Variants in PLEKHG1 observed in about 807,000 individuals in gnomAD.
The protein encoded by PLEKHG1 is pleckstrin homology and RhoGEF domain containing G1, also known as pleckstrin homology domain-containing family G member 1.
In PLEKHG1, 44 loss-of-function variants were observed where a neutral mutation model predicts 100.8. The ratio of observed to expected loss-of-function variants is 0.44; its 90% CI spans 0.34 to 0.56. PLEKHG1 has a LOEUF of 0.56. Among genes scored for constraint, PLEKHG1 ranks in the 20% least tolerant of loss-of-function variants. PLEKHG1 has a pLI of 0.01. For missense variants in PLEKHG1, 1,545 were observed against 1,720.9 expected (o/e 0.90, Z 1.81); for synonymous variants, 640 against 662.5 (o/e 0.97, Z 0.52).
At chr6:150,718,005 G>C (rs1781507429), upstream of PLEKHG1, among the ~76,000 whole-genome samples, 1 of 152,190 alleles carries the variant, frequency 6.6e-6, no homozygotes, top group Non-Finnish European at 1.5e-5. Flanking sequence ...TTGAACCTGG[G>C]AGGCAGAGGT....
intron 3 of PLEKHG1, among the ~76,000 whole-genome samples, chr6:150,671,419 T>C (rs913898431): frequency 3.9e-5 from 6 of 152,224 alleles, no homozygotes; most frequent in Admixed American, 1.3e-4. Flanking sequence ...TCCTCCGTCC[T>C]AGAGTATTCC....
At chr6:150,620,409 A>G (rs1213211999) in intron 1 of PLEKHG1, among the ~76,000 whole-genome samples, 1 of 152,160 alleles carries the variant, frequency 6.6e-6, no homozygotes, top group Non-Finnish European at 1.5e-5. Context: ...GGTCTTGATC[A>G]GGGAAGAGAT....
intron 3 of PLEKHG1, among the ~76,000 whole-genome samples, chr6:150,657,882 G>T (rs1364273908): frequency 6.6e-6 from 1 of 152,216 alleles, no homozygotes; most frequent in Non-Finnish European, 1.5e-5. Flanking sequence ...GCGCCCAGTA[G>T]TGCCAGATCT....
At chr6:150,654,779 T>C (rs1396680905) in intron 3 of PLEKHG1, among the ~76,000 whole-genome samples, 2 of 152,244 alleles carry the variant, frequency 1.3e-5, no homozygotes, top group African/African-American at 4.8e-5. Context: ...GAAGAATGAT[T>C]GGTGGCTATA....
At chr6:150,841,369 C>T (rs976769567) in exon 16 of PLEKHG1, 8 of 201,838 alleles carry the variant, frequency 4.0e-5, no homozygotes, top group Admixed American at 1.1e-4. Context: ...TGTGGTAACA[C>T]CTTAGGATAA....
At chr6:150,676,126 C>A (rs763990712) in intron 3 of PLEKHG1, among the ~76,000 whole-genome samples, 2 of 152,120 alleles carry the variant, frequency 1.3e-5, no homozygotes, top group Non-Finnish European at 2.9e-5. Flanking sequence ...GGCAAAGATG[C>A]ACATATTTAT....
At chr6:150,680,222 A>T (rs1779886929) in intron 3 of PLEKHG1, among the ~76,000 whole-genome samples, 1 of 152,218 alleles carries the variant, frequency 6.6e-6, no homozygotes, top group African/African-American at 2.4e-5. Flanking sequence ...ACCAGGGTAG[A>T]GATGGAGAAA....
At chr6:150,734,449 A>T (rs561714978) in intron 2 of PLEKHG1, among the ~76,000 whole-genome samples, 1 of 152,318 alleles carries the variant, frequency 6.6e-6, no homozygotes, top group East Asian at 1.9e-4. Context: ...CAGGTGTATG[A>T]CTAAACCCCT....
exon 15 of PLEKHG1, chr6:150,832,109 G>C (rs772931290): frequency 1.2e-6 from 2 of 1,613,976 alleles, no homozygotes; most frequent in Non-Finnish European, 1.7e-6. Flanking sequence ...GAAAAGTCTG[G>C]AGCTGGAGCA....
At chr6:150,836,852 G>T (rs1480943371) in intron 15 of PLEKHG1, among the ~76,000 whole-genome samples, 1 of 151,132 alleles carries the variant, frequency 6.6e-6, no homozygotes, top group East Asian at 1.9e-4. Flanking sequence ...GAAAAGCTCA[G>T]GGACTAATAA....
chr6:150,736,729 G>A (rs13210198), intron 2 of PLEKHG1, among the ~76,000 whole-genome samples: 14,728 of 151,850 alleles, frequency 0.097, 771 homozygotes, highest in Middle Eastern at 0.19. Context: ...AGATTGCACC[G>A]CTGCACTCCA....
intron 14 of PLEKHG1, among the ~76,000 whole-genome samples, chr6:150,824,873 C>T (rs914335291): frequency 2.0e-5 from 3 of 152,040 alleles, no homozygotes; most frequent in Admixed American, 6.6e-5. Flanking sequence ...CTGAGGTGTG[C>T]GCATTTTTTT....
At chr6:150,690,460 CG>C (rs1397643785) in intron 3 of PLEKHG1, among the ~76,000 whole-genome samples, 3 of 152,110 alleles carry the variant, frequency 2.0e-5, no homozygotes, top group African/African-American at 7.2e-5. Flanking sequence ...AGTGAGGAAA[CG>C]GAACATAGAG....
chr6:150,841,237 T>C, exon 16 of PLEKHG1: 1 of 351,122 alleles, frequency 2.8e-6, no homozygotes, highest in South Asian at 2.8e-5. Flanking sequence ...TTTCCTGTTA[T>C]CCAGAAGGCC....
In PLEKHG1 at chr6:150,679,681, T is replaced by C. The variant is rs187446700; in HGVS notation, c.-99+28895T>C. 2.0e-5 allele frequency among the ~76,000 whole-genome samples: 3 copies of C among 152,350 alleles called. No homozygotes were observed. The East Asian group carries it at 5.8e-4, about 29-fold the overall frequency. On this transcript the variant is annotated intron_variant, in intron 3 of 3. Coordinates refer to the PLEKHG1 transcript ENST00000367326. ...AGTATGTACTCTGTGCCAGGTGCTG[T>C]TTCAGGCTGTGGGAATTTGATGCAG...
rs151293197 is a variant in PLEKHG1 at position 150,673,293 on chromosome 6, C to G, written c.-99+22507C>G. On this transcript the variant is annotated intron_variant, in intron 3 of 3. Transcript: ENST00000367326. ...TTTCTGTCTTCAAGCAAATGCACAT[C>G]TCTCTAGTACTGCGTTACTTTCAAA... Among the ~76,000 whole-genome samples the G allele has an allele frequency of 2.9e-3, 442 of 152,330 alleles. 1 individual carries two copies. The highest frequency in any genetic ancestry group is 0.01 in the African/African-American group (419 of 41,568).
intron 10 of PLEKHG1, 47 bp downstream of exon 11, chr6:150,809,781 A>G (rs575994581): frequency 6.9e-7 from 1 of 1,452,492 alleles, no homozygotes; most frequent in East Asian, 2.3e-5. Context: ...AGATACAAGA[A>G]TCATTTGAAC....
chr6:150,769,611 A>G (rs1271845828), intron 3 of PLEKHG1, among the ~76,000 whole-genome samples: 1 of 151,278 alleles, frequency 6.6e-6, no homozygotes, highest in Non-Finnish European at 1.5e-5. Flanking sequence ...AAAGAAAGAA[A>G]AAAGAAAAAG....
Position 150,709,190 on chromosome 6 carries a change from G to A in PLEKHG1, c.-98-24394G>A, listed in dbSNP as rs948086997. Among the ~76,000 whole-genome samples, 8 of 152,042 alleles carry A rather than the reference G, an allele frequency of 5.3e-5. No homozygotes were observed. In the South Asian group the frequency reaches 6.2e-4, roughly 12 times the overall value. On this transcript the variant is annotated intron_variant, in intron 3 of 3. Coordinates refer to the PLEKHG1 transcript ENST00000367326. ...CTACTAAAAATACAAAACATTAGCCGGGCATGGTGGTGGGAGCCTGTAGTT... is the reference window on the plus strand; with the variant it reads ...CTACTAAAAATACAAAACATTAGCCAGGCATGGTGGTGGGAGCCTGTAGTT...
Sources: allele counts gnomAD v4.1 joint callset (sites outside exome capture counted in the v4.1 genomes callset), GRCh38; gene constraint gnomAD v4.1.1; transcripts MANE v1.5; gene names NCBI Gene and HGNC (gene_info 2026-07-23, HGNC 2026-07-21).